GPRC5C: variants seen among roughly 807,000 people sequenced by gnomAD.
The protein encoded by GPRC5C is G protein-coupled receptor class C group 5 member C.
A neutral mutation model predicts 31.4 loss-of-function variants in GPRC5C; 22 were observed. The ratio of observed to expected loss-of-function variants is 0.70; its 90% CI spans 0.50 to 1.00. GPRC5C has a LOEUF of 1.00. Ranked by LOEUF, GPRC5C falls within the 50% of genes least tolerant of loss-of-function variation. The probability of loss-of-function intolerance (pLI) is 0.00; values close to 1 mark genes in which losing one functional copy is unlikely to be tolerated. For missense variants in GPRC5C, 557 were observed against 597.2 expected, an observed-to-expected ratio of 0.93 and a Z score of 0.70; for synonymous variants, 249 against 257.5, an observed-to-expected ratio of 0.97 and a Z score of 0.32.
chr17:74,432,812 C>T (rs1299770747), intron 1 of GPRC5C, among the ~76,000 whole-genome samples: 1 of 114,470 alleles, frequency 8.7e-6, no homozygotes, highest in Non-Finnish European at 1.9e-5. Flanking sequence ...CGGTCACTCT[C>T]TCTCGTGGGT....
intron 1 of GPRC5C, among the ~76,000 whole-genome samples, chr17:74,435,099 G>C (rs1192815676): frequency 2.8e-5 from 4 of 140,672 alleles, no homozygotes; most frequent in African/African-American, 1.1e-4. Flanking sequence ...GGCGCCTGTA[G>C]TCCCAGCTAC....
chr17:74,443,364 T>G, intron 2 of GPRC5C: 1 of 329,386 alleles, frequency 3.0e-6, no homozygotes, highest in Non-Finnish European at 5.9e-6. Flanking sequence ...ATGAACAGGC[T>G]TAGGCCGAGG....
At chr17:74,443,019 C>G (rs1005872063) in intron 2 of GPRC5C, 1 of 152,226 alleles carries the variant, frequency 6.6e-6, no homozygotes, top group Non-Finnish European at 1.5e-5. Context: ...CCAGCCCCAG[C>G]ACTTAGGAAA....
At chr17:74,443,365 T>C (rs2055573154) in intron 2 of GPRC5C, 1 of 328,458 alleles carries the variant, frequency 3.0e-6, no homozygotes. Flanking sequence ...TGAACAGGCT[T>C]AGGCCGAGGG....
Position 74,447,256 on chromosome 17 carries a change from T to C in GPRC5C, c.*228T>C. 7.7e-7 allele frequency: 1 copy of C among 1,292,878 alleles called. No homozygotes were observed. Among genetic ancestry groups the C allele is most frequent in the East Asian group, 3.1e-5 (1 of 32,150 alleles). 80.1% of individuals were successfully genotyped at this position (1,292,878 alleles called of 1,614,324 possible). A position where few individuals can be genotyped will look rare whatever the true frequency, so the allele number is the denominator to read the frequency against. On this transcript the variant is annotated 3_prime_UTR_variant, in exon 4 of 4. Transcript: ENST00000392627. The stretch of plus-strand genomic sequence containing the variant: ...AGCCAACCCCAGCCTCCTGCCAGGA[T>C]CACCTCGGCGGTCACACTCCAGCCA...
chr17:74,446,471 C>G, intron 3 of GPRC5C: 2 of 166,802 alleles, frequency 1.2e-5, no homozygotes, highest in Non-Finnish European at 2.6e-5. Context: ...AAAAAAGATT[C>G]TTGGAGGAAG....
intron 1 of GPRC5C, among the ~76,000 whole-genome samples, chr17:74,436,417 G>T (rs1000071447): frequency 3.3e-5 from 5 of 152,088 alleles, no homozygotes; most frequent in African/African-American, 9.7e-5. Context: ...AAACTCTGCG[G>T]AACAGTCTTT....
downstream of GPRC5C, chr17:74,449,495 C>A: frequency 4.0e-6 from 2 of 505,848 alleles, no homozygotes; most frequent in Non-Finnish European, 7.0e-6. Flanking sequence ...CAACCTGAAG[C>A]AGTGGACCGA....
chr17:74,443,527 A>G (rs762040813), intron 2 of GPRC5C: 26 of 564,172 alleles, frequency 4.6e-5, no homozygotes, highest in South Asian at 4.0e-4. Flanking sequence ...TTGCTGACAG[A>G]GCATTTTCTG....
At chr17:74,445,946 G>T (rs1198839332) in intron 3 of GPRC5C, 1 of 148,278 alleles carries the variant, frequency 6.7e-6, no homozygotes, top group African/African-American at 2.5e-5. Context: ...ACTGCTTGAG[G>T]CCGAGGGTTC....
chr17:74,448,767 G>A (rs2055679446), downstream of GPRC5C: 2 of 676,966 alleles, frequency 3.0e-6, no homozygotes, highest in African/African-American at 1.8e-5. Flanking sequence ...TCCCAGAACT[G>A]TACCATTTTG....
In GPRC5C at chr17:74,440,776, CAGAGCATGTTCGTGG is replaced by C; in HGVS notation, c.1004_1018del (p.Ser335_Glu339del). 6.4e-7 allele frequency: 1 copy of C among 1,559,808 alleles called. No individual in the cohort carries two copies. Among genetic ancestry groups the C allele is most frequent in the East Asian group, 2.3e-5 (1 of 43,954 alleles). On this transcript the variant is annotated inframe_deletion, in exon 2 of 4. Transcript: ENST00000392627. This position sits in a 1 kb window ranked among gnomAD's most constrained non-coding sequence, Gnocchi z 4.4. The stretch of plus-strand genomic sequence containing the variant: ...GACCATCCTGAAAGAGCAGAAGGGT[CAGAGCATGTTCGTGG>C]AGAACAAGGCCTTTTCCATGGATGA...
At chr17:74,448,500 C>CT (rs2055675474), downstream of GPRC5C, among the ~76,000 whole-genome samples, 1 of 152,170 alleles carries the variant, frequency 6.6e-6, no homozygotes, top group Non-Finnish European at 1.5e-5. Context: ...GCCTCAGCCT[C>CT]TTGAGTAGCT....
chr17:74,436,073 A>G (rs142821278), intron 1 of GPRC5C, among the ~76,000 whole-genome samples: 87 of 152,266 alleles, frequency 5.7e-4, no homozygotes, highest in African/African-American at 2.0e-3. Context: ...CTATGCCCCC[A>G]TGATGCTAAA....
At chr17:74,432,348 C>A in intron 1 of GPRC5C, 1 of 1,415,446 alleles carries the variant, frequency 7.1e-7, no homozygotes, top group Non-Finnish European at 9.2e-7. Flanking sequence ...CCTGGCTCAG[C>A]CTCGGTCCCA....
In GPRC5C at chr17:74,446,916, A is replaced by C; in HGVS notation, c.1214A>C (p.Asn405Thr). The C allele has an allele frequency of 6.2e-7, 1 of 1,614,026 alleles. No homozygotes were observed. The highest frequency in any genetic ancestry group is 8.5e-7 in the Non-Finnish European group (1 of 1,179,938). ...AACAGCCAGGTGATGGGCAGTGCCA[A>C]CTCGACCCTGCGGGCTGAAGACATG... ...TANSQVMGSA[N>T]STLRAEDMYS... The change falls in exon 4 of 4, where the codon AAC (asparagine) becomes ACC (threonine). Residue 405 changes from asparagine (N) to threonine (T), a missense_variant. Coordinates refer to ENST00000392627, the MANE Select transcript of GPRC5C (RefSeq NM_022036.4).
At chr17:74,444,963 A>G (rs967903512) in intron 3 of GPRC5C, among the ~76,000 whole-genome samples, 4 of 152,142 alleles carry the variant, frequency 2.6e-5, no homozygotes, top group African/African-American at 9.7e-5. Context: ...CAAAGTGCAA[A>G]TGGGGGCCAG....
rs1245790246 is a variant in GPRC5C, at chr17:74,439,857, C to A, written c.81C>A (p.Val27=). ...CAGGGGCCTGGGCCCAGGGCCATGT[C>A]CCACCCGGCTGCAGCCAAGGCCTCA... ...LFPGAWAQGH[V]PPGCSQGLNP... is the part of the protein sequence containing the mutation. Residue 27 remains valine, a synonymous_variant, in exon 2 of 4, where the codon GTC becomes GTA. Transcript: ENST00000392627. The A allele has an allele frequency of 6.2e-7, 1 of 1,613,438 alleles. No homozygotes were observed. The highest frequency in any genetic ancestry group is 2.2e-5 in the East Asian group (1 of 44,882).
At chr17:74,435,108 A>G (rs1009888366) in intron 1 of GPRC5C, among the ~76,000 whole-genome samples, 2 of 151,518 alleles carry the variant, frequency 1.3e-5, no homozygotes, top group African/African-American at 4.9e-5. Flanking sequence ...AGTCCCAGCT[A>G]CTCGGGAGGC....
Sources: gnomAD v4.1 joint callset for allele counts (sites outside exome capture counted in the v4.1 genomes callset) on GRCh38, gnomAD v4.1.1 for gene constraint, Gnocchi (gnomAD v3.1) non-coding constraint, MANE v1.5 for transcripts, NCBI Gene and HGNC (gene_info 2026-07-23, HGNC 2026-07-21) for gene names.